The following COBL variants were observed in gnomAD, a reference collection of about 807,000 sequenced individuals.
The protein encoded by COBL is cordon-bleu WH2 repeat protein.
A neutral mutation model predicts 98.8 loss-of-function variants in COBL; 51 were observed. The observed-to-expected ratio is 0.52, with a 90% CI of 0.41 to 0.65. The LOEUF is 0.65. Among genes scored for constraint, COBL ranks in the 30% least tolerant of loss-of-function variants. The pLI, the probability that COBL is intolerant of heterozygous loss-of-function variation, is 0.00. For synonymous variants in COBL, 634 were observed against 651.7 expected (o/e 0.97, Z 0.41); for missense variants, 1,617 against 1,617.5 (o/e 1.00, Z 0.01).
intron 5 of COBL, among the ~76,000 whole-genome samples, chr7:51,154,218 C>T (rs777044882): frequency 6.6e-6 from 1 of 152,194 alleles, no homozygotes; most frequent in Non-Finnish European, 1.5e-5. Context: ...ATATTCTCCA[C>T]ACATAGAAGG....
Position 51,045,591 on chromosome 7 carries a change from CAA to C in COBL, c.1097-1901_1097-1900del, listed in dbSNP as rs548355333. On this transcript the variant is annotated intron_variant, in intron 7 of 12. Coordinates refer to ENST00000265136, the MANE Select transcript of COBL (RefSeq NM_015198.5). ...CTCTCCAGGGATTATCGCTGAGGCGCAAAGTGACCTTAACAAATGTGTCCCCA... is the reference window on the plus strand; with the variant it reads ...CTCTCCAGGGATTATCGCTGAGGCGCAGTGACCTTAACAAATGTGTCCCCA... 3.4e-3 allele frequency among the ~76,000 whole-genome samples: 522 copies of C among 152,316 alleles called. 1 individual carries two copies. The highest frequency in any genetic ancestry group is 0.01 in the Middle Eastern group (3 of 294).
rs1003562482 is a variant in COBL, at chr7:51,283,460, T to C, written c.41+33133A>G. 4.6e-5 allele frequency among the ~76,000 whole-genome samples: 7 copies of C among 152,328 alleles called. 1 individual carries two copies. The highest frequency in any genetic ancestry group is 6.8e-3 in the Middle Eastern group (2 of 294). Reference sequence around the variant, plus strand: ...AATAGATAATTCAAATGTACCCATTTAAAAATTTGAATCTGTAGTTTTTGT... The same window carrying C: ...AATAGATAATTCAAATGTACCCATTCAAAAATTTGAATCTGTAGTTTTTGT... On this transcript the variant is annotated intron_variant, in intron 1 of 12. Transcript: ENST00000265136.
intron 5 of COBL, among the ~76,000 whole-genome samples, chr7:51,168,564 G>C (rs1787557729): frequency 6.6e-6 from 1 of 152,184 alleles, no homozygotes. Context: ...AAATTACAAT[G>C]AGATATCCTT....
rs145201501 is a variant in COBL at position 51,043,499 on chromosome 7, G to A, written c.1290C>T (p.Asp430=). The A allele has an allele frequency of 3.2e-5, 52 of 1,614,202 alleles. No homozygotes were observed. The African/African-American group carries it at 6.5e-4, about 20-fold the overall frequency. The change falls in exon 8 of 13, where the codon GAC becomes GAT. Residue 430 remains aspartate (D), a synonymous_variant. Coordinates refer to ENST00000265136, the MANE Select transcript of COBL (RefSeq NM_015198.5). ...AGTCTTCCTGGTCTGTGGCCCACTT[G>A]TCTTTGTATTTCATGCTGTCCTGCT... The part of the protein sequence containing the change: ...DSQQDSMKYK[D]KWATDQEDCS...
At chr7:51,146,419 C>T (rs964383384) in intron 5 of COBL, among the ~76,000 whole-genome samples, 2 of 152,192 alleles carry the variant, frequency 1.3e-5, no homozygotes, top group African/African-American at 4.8e-5. Context: ...ATCTCAAGGT[C>T]ACCCATGAAG....
intron 5 of COBL, among the ~76,000 whole-genome samples, chr7:51,182,809 A>G (rs1789116178): frequency 6.6e-6 from 1 of 152,194 alleles, no homozygotes; most frequent in Admixed American, 6.5e-5. Flanking sequence ...GAAAAGCTCA[A>G]TCTCTTAAGT....
intron 5 of COBL, chr7:51,156,402 G>A (rs1018173022): frequency 1.4e-5 from 14 of 985,110 alleles, no homozygotes; most frequent in African/African-American, 1.4e-4. Context: ...AAAGCTCACC[G>A]AAGTGTCTCT....
intron 7 of COBL, among the ~76,000 whole-genome samples, chr7:51,054,874 A>G (rs1419383558): frequency 1.3e-5 from 2 of 152,174 alleles, no homozygotes; most frequent in Admixed American, 1.3e-4. Flanking sequence ...AGAAAACGGA[A>G]CTTGCTTTCA....
intron 7 of COBL, among the ~76,000 whole-genome samples, chr7:51,075,197 A>T (rs1459344167): frequency 6.6e-6 from 1 of 152,224 alleles, no homozygotes; most frequent in African/African-American, 2.4e-5. Flanking sequence ...TACAGATATG[A>T]CATACTTTTC....
intron 1 of COBL, among the ~76,000 whole-genome samples, chr7:51,304,737 T>A (rs569421040): frequency 1.3e-5 from 2 of 151,766 alleles, no homozygotes; most frequent in Non-Finnish European, 2.9e-5. Context: ...TGAAAAATAA[T>A]TGGAAAAAAA....
chr7:51,144,959 A>G (rs1244531958), intron 5 of COBL, among the ~76,000 whole-genome samples: 1 of 152,156 alleles, frequency 6.6e-6, no homozygotes, highest in Non-Finnish European at 1.5e-5. Context: ...AATTGTTTCT[A>G]CTTTTTGGCT....
chr7:51,093,327 G>A (rs1794984129), intron 6 of COBL, among the ~76,000 whole-genome samples: 1 of 152,174 alleles, frequency 6.6e-6, no homozygotes, highest in Non-Finnish European at 1.5e-5. Flanking sequence ...AATCTACAGT[G>A]AGGTATCACC....
intron 6 of COBL, among the ~76,000 whole-genome samples, chr7:51,129,836 A>G (rs992242551): frequency 9.2e-5 from 14 of 152,210 alleles, no homozygotes; most frequent in Admixed American, 8.5e-4. Flanking sequence ...TGAGGCCAGC[A>G]GAGGCTTTAA....
intron 1 of COBL, among the ~76,000 whole-genome samples, chr7:51,233,843 C>T (rs912804966): frequency 2.4e-4 from 37 of 152,308 alleles, no homozygotes; most frequent in African/African-American, 8.2e-4. Context: ...TACTTCGTTG[C>T]AATCCCACTA....
At position 51,139,294 on chromosome 7, in the gene COBL, C is replaced by T. The variant is rs546511455; in HGVS notation, c.784-2963G>A. Among the ~76,000 whole-genome samples, 24 of 152,194 alleles carry T rather than the reference C, an allele frequency of 1.6e-4. No homozygotes were observed. The South Asian group carries it at 4.8e-3, about 30-fold the overall frequency. ...TATGTGGTTTCCTTCTTCTCTGATA[C>T]CTATTTTGGGTGGCCATGACCTCAT... On this transcript the variant is annotated intron_variant, in intron 5 of 12. Transcript: ENST00000265136.
At chr7:51,061,198 A>C (rs1476241131) in intron 7 of COBL, among the ~76,000 whole-genome samples, 1 of 152,080 alleles carries the variant, frequency 6.6e-6, no homozygotes, top group Non-Finnish European at 1.5e-5. Context: ...ATTGTCAATG[A>C]GTATTTCCTT....
At chr7:51,100,701 G>A (rs553493658) in intron 6 of COBL, among the ~76,000 whole-genome samples, 1 of 152,156 alleles carries the variant, frequency 6.6e-6, no homozygotes, top group Non-Finnish European at 1.5e-5. Context: ...AGGAGTTTGA[G>A]ACCAGCCTGA....
intron 1 of COBL, among the ~76,000 whole-genome samples, chr7:51,286,836 T>C (rs188106281): frequency 1.3e-5 from 2 of 152,086 alleles, no homozygotes; most frequent in African/African-American, 2.4e-5. Flanking sequence ...CTATTCACAA[T>C]AGGAAAGACA....
Position 51,203,461 on chromosome 7 carries a change from CAAAAAAAAAAA to C in COBL, c.246-9883_246-9873del, listed in dbSNP as rs1165738166. Among the ~76,000 whole-genome samples, 4 of 12,064 alleles carry C rather than the reference CAAAAAAAAAAA, an allele frequency of 3.3e-4. No homozygotes were observed. In the East Asian group the frequency reaches 9.2e-3, roughly 28 times the overall value. The allele number at this position is 12,064 out of a possible 152,430, so 7.9% of individuals were successfully genotyped here. On this transcript the variant is annotated intron_variant, in intron 2 of 12. Coordinates refer to ENST00000265136, the MANE Select transcript of COBL (RefSeq NM_015198.5). ...TGGGCGACAGAGCGAGACTCCGTCTCAAAAAAAAAAAAAAAAAAAAAAAACTCTTGGCTGCA... is the reference window on the plus strand; with the variant it reads ...TGGGCGACAGAGCGAGACTCCGTCTCAAAAAAAAAAAAACTCTTGGCTGCA...
Sources: gnomAD v4.1 joint callset for allele counts (sites outside exome capture counted in the v4.1 genomes callset) on GRCh38, gnomAD v4.1.1 for gene constraint, MANE v1.5 for transcripts, NCBI Gene and HGNC (gene_info 2026-07-23, HGNC 2026-07-21) for gene names.